The following KLF8 variants were observed in gnomAD, a reference collection of about 807,000 sequenced individuals.
The protein encoded by KLF8 is Krueppel-like factor 8.
KLF8 carries 10 observed loss-of-function variants against 18.2 expected under a neutral mutation model. The observed-to-expected ratio is 0.55, with a 90% CI of 0.34 to 0.93. The LOEUF (loss-of-function observed/expected upper bound fraction) is 0.93, where lower values mean the gene tolerates loss of function less well. KLF8 is among the 40% of genes least tolerant of loss of function. KLF8 has a pLI of 0.02. For synonymous variants in KLF8, 109 were observed against 97.3 expected (o/e 1.12, Z -0.71); for missense variants, 264 against 277.9 (o/e 0.95, Z 0.36).
the KLF8 span, among the ~76,000 whole-genome samples, chrX:56,147,158 G>A: frequency 8.9e-6 from 1 of 112,326 alleles, no homozygotes; most frequent in Non-Finnish European, 1.9e-5. Flanking sequence ...ATAATCAGGG[G>A]GAAATGGAGA....
At chrX:56,004,012 C>A in the KLF8 span, among the ~76,000 whole-genome samples, 2 of 111,905 alleles carry the variant, frequency 1.8e-5, no homozygotes, top group South Asian at 7.5e-4. Flanking sequence ...TTTCTGTCAC[C>A]CTTATTAATA....
rs377426961 is a variant in KLF8 at position 56,288,097 on chromosome X, C to T, written c.*3603C>T. Among the ~76,000 whole-genome samples the T allele has an allele frequency of 2.3e-4, 24 of 102,683 alleles. No homozygotes were observed. Among genetic ancestry groups the T allele is most frequent in the African/African-American group, 8.1e-4 (19 of 23,434 alleles). The allele number at this position is 102,683 out of a possible 115,157, so 89.2% of individuals were successfully genotyped here. A position where few individuals can be genotyped will look rare whatever the true frequency, so the allele number is the denominator to read the frequency against. On this transcript the variant is annotated 3_prime_UTR_variant, in exon 6 of 6. Transcript: ENST00000468660. ...TTAAAAATACAAAAAATTAGCCAGGCGTAGTGGTGGGTGCCTGTAATCCCA... is the reference window on the plus strand; with the variant it reads ...TTAAAAATACAAAAAATTAGCCAGGTGTAGTGGTGGGTGCCTGTAATCCCA...
chrX:56,047,520 G>T, the KLF8 span, among the ~76,000 whole-genome samples: 19 of 108,091 alleles, frequency 1.8e-4, no homozygotes, highest in Admixed American at 1.9e-3. Flanking sequence ...GTGGTGTTTG[G>T]TTTTTTGTCC....
the KLF8 span, among the ~76,000 whole-genome samples, chrX:56,215,659 C>T: frequency 9.5e-3 from 1,013 of 106,472 alleles, 12 homozygotes; most frequent in African/African-American, 0.034. Context: ...CCTGTATCTA[C>T]TAAAAATACA....
the KLF8 span, among the ~76,000 whole-genome samples, chrX:55,928,511 C>T: frequency 9.0e-6 from 1 of 111,575 alleles, no homozygotes; most frequent in Non-Finnish European, 1.9e-5. Flanking sequence ...TATCCCTCCC[C>T]TAGTGCTCCA....
chrX:56,256,011 C>G (rs1182457105), intron 2 of KLF8, among the ~76,000 whole-genome samples: 2 of 111,356 alleles, frequency 1.8e-5, no homozygotes, highest in Non-Finnish European at 3.8e-5. Flanking sequence ...GCCATCAGGT[C>G]CTGGGCTTTT....
the KLF8 span, among the ~76,000 whole-genome samples, chrX:55,977,484 A>G: frequency 1.4e-5 from 1 of 71,814 alleles, no homozygotes; most frequent in African/African-American, 3.5e-5. Context: ...ACCCCTTGCA[A>G]TGCATCCTTC....
the KLF8 span, among the ~76,000 whole-genome samples, chrX:56,059,245 G>A: frequency 2.2e-4 from 25 of 111,853 alleles, no homozygotes; most frequent in Non-Finnish European, 4.1e-4. Context: ...GTAGATTCTG[G>A]ATATTAGCCC....
At chrX:55,946,963 C>T in the KLF8 span, among the ~76,000 whole-genome samples, 37 of 111,432 alleles carry the variant, frequency 3.3e-4, no homozygotes, top group Admixed American at 1.9e-3. Flanking sequence ...GTTAGAATGG[C>T]GATCGTTAAA....
At chrX:55,960,628 AAAG>A in the KLF8 span, among the ~76,000 whole-genome samples, 16 of 109,985 alleles carry the variant, frequency 1.5e-4, no homozygotes, top group South Asian at 1.2e-3. Context: ...GAGAAGGAGA[AAAG>A]AAGAAGAAGG....
the KLF8 span, among the ~76,000 whole-genome samples, chrX:56,071,616 G>A: frequency 2.7e-5 from 3 of 111,629 alleles, no homozygotes; most frequent in Non-Finnish European, 5.7e-5. Flanking sequence ...TATTTTAGTG[G>A]AATAAAGTCT....
chrX:56,283,666 G>A (rs2067231653), intron 5 of KLF8, among the ~76,000 whole-genome samples: 1 of 112,139 alleles, frequency 8.9e-6, no homozygotes, highest in Non-Finnish European at 1.9e-5. Flanking sequence ...CCACCGCACC[G>A]GACCATATGG....
At chrX:56,116,793 G>A in the KLF8 span, among the ~76,000 whole-genome samples, 326 of 108,886 alleles carry the variant, frequency 3.0e-3, no homozygotes, top group African/African-American at 0.01. Context: ...TGTATACAAT[G>A]CAATATCATT....
the KLF8 span, among the ~76,000 whole-genome samples, chrX:55,912,681 A>G: frequency 1.8e-5 from 2 of 111,109 alleles, no homozygotes; most frequent in Middle Eastern, 4.2e-3. Context: ...AAGTTGTTTC[A>G]TCAGTTAGGT....
At chrX:56,276,918 AGTT>A (rs2067130516) in intron 5 of KLF8, among the ~76,000 whole-genome samples, 1 of 111,380 alleles carries the variant, frequency 9.0e-6, no homozygotes, top group African/African-American at 3.3e-5. Context: ...TAGATCCTAT[AGTT>A]GTTGCTTCAT....
chrX:56,024,477 C>T, the KLF8 span, among the ~76,000 whole-genome samples: 3 of 111,455 alleles, frequency 2.7e-5, no homozygotes, highest in Admixed American at 9.5e-5. Context: ...GGACGAGCCA[C>T]GGACAAAACC....
the KLF8 span, among the ~76,000 whole-genome samples, chrX:55,924,849 C>CTTTTTTTTTTTT: frequency 9.3e-5 from 4 of 42,937 alleles, no homozygotes; most frequent in Non-Finnish European, 1.5e-4. Flanking sequence ...TTGTTTTTTG[C>CTTTTTTTTTTTT]TTTTTTTTTT....
At chrX:56,242,425 A>C (rs2066558894) in intron 1 of KLF8, among the ~76,000 whole-genome samples, 1 of 112,027 alleles carries the variant, frequency 8.9e-6, no homozygotes, top group Non-Finnish European at 1.9e-5. Flanking sequence ...TAATCCTAAA[A>C]ACTTATATGG....
chrX:56,093,830 A>T, the KLF8 span, among the ~76,000 whole-genome samples: 202 of 108,843 alleles, frequency 1.9e-3, no homozygotes, highest in Middle Eastern at 4.7e-3. Flanking sequence ...ACTTGCTTGC[A>T]CTACTATGAA....
Sources: allele counts gnomAD v4.1 joint callset (sites outside exome capture counted in the v4.1 genomes callset), GRCh38; gene constraint gnomAD v4.1.1; transcripts MANE v1.5; gene names NCBI Gene and HGNC (gene_info 2026-07-23, HGNC 2026-07-21).